Variants in KIF26B observed in about 807,000 individuals in gnomAD.
KIF26B encodes the protein kinesin-like protein KIF26B.
KIF26B carries 63 observed loss-of-function variants against 151.2 expected under a neutral mutation model. The ratio of observed to expected loss-of-function variants is 0.42; its 90% CI spans 0.34 to 0.51. KIF26B has a LOEUF of 0.51. Ranked by LOEUF, KIF26B falls within the 20% of genes least tolerant of loss-of-function variation. The probability of loss-of-function intolerance (pLI) is 0.07; values close to 1 mark genes in which losing one functional copy is unlikely to be tolerated. For synonymous variants in KIF26B, 1,357 were observed against 1,262.1 expected (o/e 1.08, Z -1.59); for missense variants, 2,813 against 2,913.6 (o/e 0.97, Z 0.79).
intron 2 of KIF26B, among the ~76,000 whole-genome samples, chr1:245,333,257 A>G (rs747422058): frequency 2.5e-4 from 38 of 152,216 alleles, no homozygotes; most frequent in Non-Finnish European, 4.4e-4. Flanking sequence ...ATGTTGTTTC[A>G]GCCGTAAAAA....
intron 2 of KIF26B, among the ~76,000 whole-genome samples, chr1:245,285,659 G>C (rs1353705116): frequency 7.2e-6 from 1 of 138,358 alleles, no homozygotes; most frequent in Non-Finnish European, 1.5e-5. Context: ...AAAAAAAAAG[G>C]CCAAGTGTGG....
chr1:245,348,383 T>C (rs946797596), intron 2 of KIF26B, among the ~76,000 whole-genome samples: 1 of 152,104 alleles, frequency 6.6e-6, no homozygotes, highest in African/African-American at 2.4e-5. Context: ...CTCAGGCTGA[T>C]ATAAAAAAAC....
At chr1:245,408,734 C>T (rs1213424877) in intron 3 of KIF26B, among the ~76,000 whole-genome samples, 1 of 152,164 alleles carries the variant, frequency 6.6e-6, no homozygotes, top group Non-Finnish European at 1.5e-5. Context: ...TTGAGCCGTA[C>T]ATTCTCTGGA....
At chr1:245,302,988 C>CAAAAAAAAAAAAAAAAAAAAAAAAA (rs74163037) in intron 2 of KIF26B, among the ~76,000 whole-genome samples, 1 of 35,816 alleles carries the variant, frequency 2.8e-5, no homozygotes, top group African/African-American at 1.2e-4. Context: ...GACTCTGTCT[C>CAAAAAAAAAAAAAAAAAAAAAAAAA]AAAAAAAAAA....
intron 2 of KIF26B, among the ~76,000 whole-genome samples, chr1:245,303,766 G>T (rs58175684): frequency 2.7e-4 from 41 of 152,220 alleles, no homozygotes; most frequent in African/African-American, 8.4e-4. Flanking sequence ...TATACATAAG[G>T]CACCCTAGCT....
intron 4 of KIF26B, among the ~76,000 whole-genome samples, chr1:245,536,899 G>A (rs568357349): frequency 6.6e-6 from 1 of 152,336 alleles, no homozygotes; most frequent in South Asian, 2.1e-4. Flanking sequence ...GGAAGCCAGG[G>A]AGAGGCCATT....
intron 2 of KIF26B, among the ~76,000 whole-genome samples, chr1:245,254,019 C>T (rs905665490): frequency 1.1e-4 from 16 of 151,866 alleles, no homozygotes; most frequent in African/African-American, 3.6e-4. Context: ...ACCGTGTTAG[C>T]CAGGATGGTC....
At chr1:245,228,876 A>G (rs1669932651) in intron 2 of KIF26B, among the ~76,000 whole-genome samples, 1 of 152,194 alleles carries the variant, frequency 6.6e-6, no homozygotes, top group Admixed American at 6.5e-5. Flanking sequence ...TCACCGCATG[A>G]TACTGACTCC....
chr1:245,479,870 C>T (rs1031440089), intron 4 of KIF26B, among the ~76,000 whole-genome samples: 6 of 151,784 alleles, frequency 4.0e-5, no homozygotes, highest in African/African-American at 1.4e-4. Context: ...TTTGAAAGGA[C>T]ACAGGCTTCT....
At chr1:245,447,389 A>G (rs1191858234) in intron 4 of KIF26B, among the ~76,000 whole-genome samples, 1 of 152,168 alleles carries the variant, frequency 6.6e-6, no homozygotes, top group African/African-American at 2.4e-5. Flanking sequence ...CTTAATAAGG[A>G]CTGCTATGGT....
intron 10 of KIF26B, among the ~76,000 whole-genome samples, chr1:245,670,498 T>TC (rs1328072278): frequency 1.3e-5 from 2 of 148,302 alleles, no homozygotes; most frequent in Admixed American, 6.7e-5. Flanking sequence ...TATCATTTTT[T>TC]TTTGTATTGT....
At chr1:245,267,358 C>T (rs1670764838) in intron 2 of KIF26B, among the ~76,000 whole-genome samples, 1 of 152,112 alleles carries the variant, frequency 6.6e-6, no homozygotes, top group African/African-American at 2.4e-5. Flanking sequence ...TTAATTGCTT[C>T]TTGGATGTTA....
At chr1:245,236,533 A>G (rs1016883123) in intron 2 of KIF26B, among the ~76,000 whole-genome samples, 1 of 152,232 alleles carries the variant, frequency 6.6e-6, no homozygotes, top group East Asian at 1.9e-4. Context: ...AAGAACCTTT[A>G]AGTGAATTTC....
chr1:245,258,183 T>C (rs537895365), intron 2 of KIF26B, among the ~76,000 whole-genome samples: 7 of 152,278 alleles, frequency 4.6e-5, no homozygotes, highest in African/African-American at 1.7e-4. Flanking sequence ...TTCCTCCTCC[T>C]CGTCACCACC....
In KIF26B at chr1:245,540,679, C is replaced by T. The variant is rs778777735; in HGVS notation, c.1167-88C>T. ...AGGAATGATTAGGCCTCAGAAAGAA[C>T]GAGGGGTTGTTTAAGAGAAAACGAA... On this transcript the variant is annotated intron_variant, in intron 4 of 14. Coordinates refer to ENST00000407071, the MANE Select transcript of KIF26B (RefSeq NM_018012.4). The surrounding 1 kb of genome is among the most constrained non-coding windows in gnomAD (Gnocchi z 4.6). The T allele has an allele frequency of 2.1e-5, 25 of 1,164,046 alleles. No individual in the cohort carries two copies. The highest frequency in any genetic ancestry group is 9.4e-5 in the East Asian group (4 of 42,758). 72.1% of individuals were successfully genotyped at this position (1,164,046 alleles called of 1,614,324 possible).
chr1:245,560,711 G>A lies in KIF26B; in HGVS notation c.1350+19761G>A, dbSNP rs1022969949. Among the ~76,000 whole-genome samples, 2 of 152,098 alleles carry A rather than the reference G, an allele frequency of 1.3e-5. No homozygotes were observed. The highest frequency in any genetic ancestry group is 4.8e-5 in the African/African-American group (2 of 41,432). ...CTCCCCTCTCACGGAAGCCTGACAT[G>A]TAAATCTCAAGTTGTTAAACCTGCT... On this transcript the variant is annotated intron_variant, in intron 5 of 14. Transcript: ENST00000407071. This position sits in a 1 kb window ranked among gnomAD's most constrained non-coding sequence, Gnocchi z 4.3.
chr1:245,385,646 G>C (rs979325824), intron 3 of KIF26B, among the ~76,000 whole-genome samples: 2 of 152,180 alleles, frequency 1.3e-5, no homozygotes, highest in Non-Finnish European at 2.9e-5. Flanking sequence ...GGAAGAGGCA[G>C]AGAAGGAAGG....
chr1:245,634,634 T>A (rs1053411007), intron 9 of KIF26B, among the ~76,000 whole-genome samples: 1 of 152,152 alleles, frequency 6.6e-6, no homozygotes, highest in African/African-American at 2.4e-5. Flanking sequence ...TTGATTAGGT[T>A]TTTTTTGTTA....
chr1:245,254,283 C>T (rs1047284095), intron 2 of KIF26B, among the ~76,000 whole-genome samples: 1 of 152,076 alleles, frequency 6.6e-6, no homozygotes, highest in African/African-American at 2.4e-5. Context: ...CATAAGTGGC[C>T]GTGCTGGGCA....
Sources: gnomAD v4.1 joint callset for allele counts (sites outside exome capture counted in the v4.1 genomes callset) on GRCh38, gnomAD v4.1.1 for gene constraint, Gnocchi (gnomAD v3.1) non-coding constraint, MANE v1.5 for transcripts, NCBI Gene and HGNC (gene_info 2026-07-23, HGNC 2026-07-21) for gene names.